RHBDL3: variants seen among roughly 807,000 people sequenced by gnomAD.
The protein encoded by RHBDL3 is rhomboid like 3, also known as rhomboid-related protein 3.
RHBDL3 carries 28 observed loss-of-function variants against 48.2 expected under a neutral mutation model. The ratio of observed to expected loss-of-function variants is 0.58; its 90% confidence interval spans 0.43 to 0.80. RHBDL3 has a LOEUF of 0.80. RHBDL3 is among the 30% of genes least tolerant of loss of function. RHBDL3 has a pLI of 0.00. For missense variants in RHBDL3, 464 were observed against 542.7 expected (o/e 0.85, Z 1.44); for synonymous variants, 208 against 232.3 (o/e 0.90, Z 0.95).
At chr17:32,267,708 T>G in intron 1 of RHBDL3, 194 bp from the exon 2 acceptor site, 3 of 1,145,682 alleles carry the variant, frequency 2.6e-6, no homozygotes, top group East Asian at 5.1e-5. Context: ...CTCTGCTCAG[T>G]GTGGACTCAT....
At chr17:32,310,253 G>T (rs2040812003) in intron 7 of RHBDL3, among the ~76,000 whole-genome samples, 1 of 152,084 alleles carries the variant, frequency 6.6e-6, no homozygotes, top group African/African-American at 2.4e-5. Context: ...AGGGAAGATG[G>T]TTGCCTAACA....
chr17:32,302,536 T>C (rs991405203), intron 6 of RHBDL3, among the ~76,000 whole-genome samples: 4 of 102,272 alleles, frequency 3.9e-5, no homozygotes, highest in African/African-American at 1.4e-4. Flanking sequence ...TTTTTGTATA[T>C]ATATATATAT....
rs2041128082 is a variant in RHBDL3, at chr17:32,321,331, A to G, written c.*102A>G. The G allele has an allele frequency of 1.3e-6, 2 of 1,570,028 alleles. No homozygotes were observed. The highest frequency in any genetic ancestry group is 1.1e-5 in the South Asian group (1 of 87,150). On this transcript the variant is annotated 3_prime_UTR_variant, in exon 9 of 9. Coordinates refer to ENST00000269051, the MANE Select transcript of RHBDL3 (RefSeq NM_138328.3). ...ACCAGCTCAGCTAGGCCGGGCAGAC[A>G]AGGACAGAAGACTCTGGGCCACTGT...
At chr17:32,316,318 ACC>A in intron 8 of RHBDL3, 26 bp downstream of exon 8, 1 of 1,591,032 alleles carries the variant, frequency 6.3e-7, no homozygotes, top group South Asian at 1.1e-5. Flanking sequence ...GCGCTGGGGA[ACC>A]AAAGCCTGGC....
chr17:32,276,868 GCACAGTACTGCGGCCCTAGCACCT>G (rs2039923939), intron 2 of RHBDL3, among the ~76,000 whole-genome samples: 8 of 106,652 alleles, frequency 7.5e-5, no homozygotes, highest in African/African-American at 3.4e-4. Flanking sequence ...TCCGGCCCTA[GCACAGTACTGCGGCCCTAGCACCT>G]TACTCCGGCC....
intron 8 of RHBDL3, among the ~76,000 whole-genome samples, chr17:32,319,174 G>A (rs1446252878): frequency 6.6e-6 from 1 of 151,592 alleles, no homozygotes; most frequent in Non-Finnish European, 1.5e-5. Context: ...TGTAATCCCA[G>A]CACTTTGGGA....
chr17:32,316,820 TTATTTTATTTTATTTTA>T (rs1204029616), intron 8 of RHBDL3, among the ~76,000 whole-genome samples: 2 of 150,752 alleles, frequency 1.3e-5, no homozygotes, highest in Non-Finnish European at 3.0e-5. Flanking sequence ...GCCTGGCCTT[TTATTTTATTTTATTTTA>T]TATTTTATTT....
chr17:32,284,802 G>A lies in RHBDL3; in HGVS notation c.279G>A (p.Gln93=). The change falls in exon 3 of 9, where the codon CAG becomes CAA. Residue 93 remains glutamine, a synonymous_variant. Coordinates refer to ENST00000269051, the MANE Select transcript of RHBDL3 (RefSeq NM_138328.3). ...DSHADGQIGY[Q]DFVSLMSNKR... is the part of the protein sequence containing the mutation. ...ACGCGGATGGGCAGATCGGCTACCA[G>A]GATTTTGTCAGCCTAGTGAGTGCTC... 1 of 1,613,906 alleles carries A rather than the reference G, an allele frequency of 6.2e-7. No homozygotes were observed. The highest frequency in any genetic ancestry group is 8.5e-7 in the Non-Finnish European group (1 of 1,180,010).
intron 7 of RHBDL3, among the ~76,000 whole-genome samples, chr17:32,308,441 T>C (rs2040761273): frequency 6.6e-6 from 1 of 151,924 alleles, no homozygotes; most frequent in Non-Finnish European, 1.5e-5. Context: ...ATTATCCTGG[T>C]GTGGTGTCAT....
chr17:32,322,829 C>T lies in RHBDL3; in HGVS notation c.*1600C>T, dbSNP rs1049285920. ...TGACCTTTGACAAAAGATGACACTC[C>T]CTTTATCGTGCTCTTGGAATTCTCA... On this transcript the variant is annotated 3_prime_UTR_variant, in exon 9 of 9. Coordinates refer to ENST00000269051, the MANE Select transcript of RHBDL3 (RefSeq NM_138328.3). 6.6e-6 allele frequency: 1 copy of T among 152,276 alleles called. No individual in the cohort carries two copies. Among genetic ancestry groups the T allele is most frequent in the African/African-American group, 2.4e-5 (1 of 41,446 alleles). The allele number at this position is 152,276 out of a possible 1,614,324, so 9.4% of individuals were successfully genotyped here. A position where few individuals can be genotyped will look rare whatever the true frequency, so the allele number is the denominator to read the frequency against.
Position 32,274,016 on chromosome 17 carries a change from G to A in RHBDL3, c.135+6091G>A, listed in dbSNP as rs184797881. On this transcript the variant is annotated intron_variant, in intron 2 of 8. Coordinates refer to ENST00000269051, the MANE Select transcript of RHBDL3 (RefSeq NM_138328.3). ...CTCCCAAAGTGCTGGGATTGCAGGCGTGAGCCACCGTGCCTGGCCAGACCT... is the reference window on the plus strand; with the variant it reads ...CTCCCAAAGTGCTGGGATTGCAGGCATGAGCCACCGTGCCTGGCCAGACCT... 6.2e-3 allele frequency among the ~76,000 whole-genome samples: 949 copies of A among 152,360 alleles called. 18 individuals are homozygous for A. The highest frequency in any genetic ancestry group is 0.035 in the Admixed American group (540 of 15,302).
At chr17:32,284,483 G>A in intron 2 of RHBDL3, 176 bp from the exon 3 acceptor site, 1 of 599,672 alleles carries the variant, frequency 1.7e-6, no homozygotes, top group Non-Finnish European at 2.9e-6. Context: ...AGGTCCTCCA[G>A]GACATTCCTA....
intron 1 of RHBDL3, 185 bp from the exon 2 acceptor site, chr17:32,267,717 A>G (rs2039670534): frequency 7.7e-7 from 1 of 1,297,186 alleles, no homozygotes; most frequent in South Asian, 1.5e-5. Context: ...GTGTGGACTC[A>G]TTGGGGAGCT....
intron 4 of RHBDL3, 152 bp from the exon 5 acceptor site, chr17:32,294,142 A>AC (rs2150724471): frequency 1.8e-6 from 1 of 567,864 alleles, no homozygotes; most frequent in Admixed American, 3.6e-5. Flanking sequence ...AAAAAAAAAA[A>AC]AAACTCAGTT....
intron 6 of RHBDL3, 35 bp from the exon 7 acceptor site, chr17:32,305,306 C>A (rs886775529): frequency 1.4e-6 from 2 of 1,470,180 alleles, no homozygotes; most frequent in Non-Finnish European, 1.9e-6. Context: ...CCGAGTCCCG[C>A]ACTCCTGAGA....
chr17:32,301,070 C>T lies in RHBDL3; in HGVS notation c.781+2866C>T, dbSNP rs144596830. Reference sequence around the variant, plus strand: ...AATTTTTTTGTATTTTTAGTAGAGACGGGGTTTCACCGTCTTGGCCAGGTT... The same window carrying T: ...AATTTTTTTGTATTTTTAGTAGAGATGGGGTTTCACCGTCTTGGCCAGGTT... On this transcript the variant is annotated intron_variant, in intron 6 of 8. Transcript: ENST00000269051. Among the ~76,000 whole-genome samples the T allele has an allele frequency of 1.6e-3, 237 of 152,088 alleles. 1 individual carries two copies. The East Asian group carries it at 0.018, about 12-fold the overall frequency.
At chr17:32,277,522 T>A (rs1290093590) in intron 2 of RHBDL3, among the ~76,000 whole-genome samples, 1 of 152,206 alleles carries the variant, frequency 6.6e-6, no homozygotes, top group Non-Finnish European at 1.5e-5. Context: ...CTCGGCTCAG[T>A]GGCCCCATTA....
intron 2 of RHBDL3, among the ~76,000 whole-genome samples, chr17:32,276,655 CCTAGCACCGGACTCCAGCG>C (rs1218550852): frequency 4.6e-5 from 7 of 151,774 alleles, no homozygotes; most frequent in African/African-American, 1.5e-4. Context: ...GTACTCCAGC[CCTAGCACCGGACTCCAGCG>C]CTAGCACCGT....
At chr17:32,311,084 A>G (rs921766159) in intron 7 of RHBDL3, among the ~76,000 whole-genome samples, 1 of 152,216 alleles carries the variant, frequency 6.6e-6, no homozygotes, top group Non-Finnish European at 1.5e-5. Context: ...CCTGGCTTTC[A>G]GCCTCTGCAC....
Sources: allele counts gnomAD v4.1 joint callset (sites outside exome capture counted in the v4.1 genomes callset), GRCh38; gene constraint gnomAD v4.1.1; transcripts MANE v1.5; gene names NCBI Gene and HGNC (gene_info 2026-07-23, HGNC 2026-07-21).